Variants in MACROD2 observed in about 807,000 individuals in gnomAD.
The protein encoded by MACROD2 is mono-ADP ribosylhydrolase 2, also known as ADP-ribose glycohydrolase MACROD2.
Under a neutral mutation model 70.4 loss-of-function variants are expected in MACROD2, and 36 were observed. The observed-to-expected ratio is 0.51, with a 90% CI of 0.39 to 0.68. The LOEUF (loss-of-function observed/expected upper bound fraction) is 0.68. Among genes scored for constraint, MACROD2 ranks in the 30% least tolerant of loss-of-function variants. The pLI, the probability that MACROD2 is intolerant of heterozygous loss-of-function variation, is 0.00. For synonymous variants in MACROD2, 172 were observed against 178.8 expected, an observed-to-expected ratio of 0.96 and a Z score of 0.30; for missense variants, 496 against 538.4, an observed-to-expected ratio of 0.92 and a Z score of 0.78.
chr20:15,370,632 C>T (rs149409222), intron 6 of MACROD2, among the ~76,000 whole-genome samples: 2,714 of 152,054 alleles, frequency 0.018, 38 homozygotes, highest in Non-Finnish European at 0.027. Flanking sequence ...GGCAAATTCA[C>T]AGATATTCAT....
chr20:15,771,009 A>G (rs1208783158), intron 8 of MACROD2, among the ~76,000 whole-genome samples: 1 of 152,174 alleles, frequency 6.6e-6, no homozygotes, highest in Admixed American at 6.5e-5. Context: ...TGGAAAAGCC[A>G]TAGATATTTG....
At position 15,921,980 on chromosome 20, in the gene MACROD2, G is replaced by A. The variant is rs184544243; in HGVS notation, c.776-11296G>A. Among the ~76,000 whole-genome samples the A allele has an allele frequency of 5.1e-3, 773 of 152,324 alleles. 4 individuals carry two copies. The highest frequency in any genetic ancestry group is 0.017 in the African/African-American group (715 of 41,568). On this transcript the variant is annotated intron_variant, in intron 10 of 17. Transcript: ENST00000684519. ...GATGCCAGGGTAGGGGTATTTGTTC[G>A]CCCCCTCCTGTCCGTCATTGGTTGA...
At chr20:14,251,748 T>C (rs2082014491) in intron 3 of MACROD2, among the ~76,000 whole-genome samples, 1 of 152,074 alleles carries the variant, frequency 6.6e-6, no homozygotes, top group African/African-American at 2.4e-5. Flanking sequence ...GTCTATGCAA[T>C]GACATGATAG....
At chr20:15,267,480 C>A (rs1284910043) in intron 6 of MACROD2, among the ~76,000 whole-genome samples, 4 of 152,146 alleles carry the variant, frequency 2.6e-5, no homozygotes, top group Admixed American at 1.3e-4. Flanking sequence ...AAACCTTTGT[C>A]TCCCCAGAGT....
chr20:14,085,882 AT>A (rs1300842436), intron 3 of MACROD2, among the ~76,000 whole-genome samples, 154 bp downstream of exon 3: 2 of 152,008 alleles, frequency 1.3e-5, no homozygotes, highest in African/African-American at 4.8e-5. Context: ...TTGGAGATCT[AT>A]TTTTTTGTAT....
At chr20:14,537,674 C>T (rs1354050792) in intron 4 of MACROD2, among the ~76,000 whole-genome samples, 1 of 152,158 alleles carries the variant, frequency 6.6e-6, no homozygotes, top group Admixed American at 6.5e-5. Flanking sequence ...TGAAAAGGAG[C>T]TTCAGGGCTC....
intron 5 of MACROD2, among the ~76,000 whole-genome samples, chr20:14,944,522 G>A (rs1422460475): frequency 6.6e-6 from 1 of 152,092 alleles, no homozygotes; most frequent in Non-Finnish European, 1.5e-5. Flanking sequence ...CTGTCAATTT[G>A]ACATCATCCC....
chr20:15,197,974 T>TTC (rs1283137534), intron 5 of MACROD2, among the ~76,000 whole-genome samples: 1 of 148,318 alleles, frequency 6.7e-6, no homozygotes, highest in Non-Finnish European at 1.5e-5. Flanking sequence ...TTTTTTTTTT[T>TTC]TTTTTGAGAC....
chr20:15,768,631 TAATA>T (rs539282611), intron 8 of MACROD2, among the ~76,000 whole-genome samples: 4 of 152,222 alleles, frequency 2.6e-5, no homozygotes, highest in Non-Finnish European at 5.9e-5. Flanking sequence ...CTTTCTTCAA[TAATA>T]AATTATTTAC....
At chr20:14,319,592 T>C (rs1026290661) in intron 3 of MACROD2, among the ~76,000 whole-genome samples, 1 of 152,170 alleles carries the variant, frequency 6.6e-6, no homozygotes, top group Admixed American at 6.5e-5. Flanking sequence ...TAGAGGCTTT[T>C]CCCTCATTAC....
intron 5 of MACROD2, among the ~76,000 whole-genome samples, chr20:15,134,195 G>A (rs565019696): frequency 5.2e-4 from 72 of 139,674 alleles, no homozygotes; most frequent in Middle Eastern, 7.1e-3. Flanking sequence ...GTGAGCCACC[G>A]TGCCCGGCTC....
chr20:14,431,552 G>C (rs2083995004), intron 3 of MACROD2, among the ~76,000 whole-genome samples: 1 of 152,060 alleles, frequency 6.6e-6, no homozygotes, highest in Non-Finnish European at 1.5e-5. Flanking sequence ...ATTATGTCAA[G>C]AAAGAAATTC....
At chr20:15,282,855 C>T (rs1332441819) in intron 6 of MACROD2, among the ~76,000 whole-genome samples, 2 of 152,152 alleles carry the variant, frequency 1.3e-5, no homozygotes, top group African/African-American at 4.8e-5. Flanking sequence ...TTAACTGTAT[C>T]AGTCCTTTCT....
chr20:14,911,024 C>A (rs1267565224), intron 5 of MACROD2, among the ~76,000 whole-genome samples: 1 of 152,156 alleles, frequency 6.6e-6, no homozygotes, highest in Non-Finnish European at 1.5e-5. Flanking sequence ...TCAACTCTAT[C>A]TCATTTATTT....
intron 8 of MACROD2, among the ~76,000 whole-genome samples, chr20:15,634,708 G>T (rs528027584): frequency 1.3e-5 from 2 of 152,138 alleles, no homozygotes; most frequent in South Asian, 2.1e-4. Flanking sequence ...GTAATGTGTC[G>T]GATATTGTCA....
intron 5 of MACROD2, among the ~76,000 whole-genome samples, chr20:14,812,757 A>C (rs1348679265): frequency 6.6e-6 from 1 of 151,974 alleles, no homozygotes; most frequent in East Asian, 1.9e-4. Flanking sequence ...TTCTCTCCAC[A>C]CACCAAGTGA....
intron 3 of MACROD2, among the ~76,000 whole-genome samples, chr20:14,217,901 T>C (rs2081637392): frequency 6.6e-6 from 1 of 152,170 alleles, no homozygotes; most frequent in African/African-American, 2.4e-5. Flanking sequence ...TTCTCTCTTC[T>C]TTTCTTGGTT....
chr20:15,016,358 C>G (rs1024784233), intron 5 of MACROD2, among the ~76,000 whole-genome samples: 2 of 152,166 alleles, frequency 1.3e-5, no homozygotes, highest in Admixed American at 1.3e-4. Flanking sequence ...CTTCAGACTG[C>G]TGACTCTCCT....
At chr20:14,339,569 A>G (rs1267283627) in intron 3 of MACROD2, among the ~76,000 whole-genome samples, 7 of 152,192 alleles carry the variant, frequency 4.6e-5, no homozygotes, top group Non-Finnish European at 1.0e-4. Flanking sequence ...CTTAAACAGA[A>G]AAGAAAAATC....
Sources: gnomAD v4.1 joint callset for allele counts (sites outside exome capture counted in the v4.1 genomes callset) on GRCh38, gnomAD v4.1.1 for gene constraint, MANE v1.5 for transcripts, NCBI Gene and HGNC (gene_info 2026-07-23, HGNC 2026-07-21) for gene names.